The following RNF111 variants were observed in gnomAD, a reference collection of about 807,000 sequenced individuals.
RNF111 encodes ring finger protein 111, also known as E3 ubiquitin-protein ligase Arkadia.
A neutral mutation model predicts 95.1 loss-of-function variants in RNF111; 17 were observed. The observed-to-expected ratio is 0.18, with a 90% CI of 0.12 to 0.27. The LOEUF is 0.27. Ranked by LOEUF, RNF111 falls within the 10% of genes least tolerant of loss-of-function variation. The pLI, the probability that RNF111 is intolerant of heterozygous loss-of-function variation, is 1.00. For missense variants in RNF111, 1,189 were observed against 1,210.4 expected (o/e 0.98, Z 0.26); for synonymous variants, 440 against 414.8 (o/e 1.06, Z -0.74).
In RNF111 at chr15:59,090,037, T is replaced by C. The variant is rs2079005164; in HGVS notation, c.2643+278T>C. Reference sequence around the variant, plus strand: ...AATATAAATGTCAGATATATAACTATACCATTAAATGTGGTGGGGAACGGA... The same window carrying C: ...AATATAAATGTCAGATATATAACTACACCATTAAATGTGGTGGGGAACGGA... On this transcript the variant is annotated intron_variant, in intron 11 of 13. Coordinates refer to ENST00000348370, the MANE Select transcript of RNF111 (RefSeq NM_017610.8). Among the ~76,000 whole-genome samples the C allele has an allele frequency of 3.3e-5, 5 of 152,338 alleles. No individual in the cohort carries two copies. The South Asian group carries it at 1.0e-3, about 32-fold the overall frequency.
At chr15:59,025,172 A>C (rs2040540675) in intron 1 of RNF111, among the ~76,000 whole-genome samples, 1 of 152,226 alleles carries the variant, frequency 6.6e-6, no homozygotes, top group Non-Finnish European at 1.5e-5. Flanking sequence ...GGCGTGAGCC[A>C]CTGCGCCCAG....
chr15:59,044,657 C>G (rs749199985), intron 2 of RNF111, among the ~76,000 whole-genome samples: 1 of 152,062 alleles, frequency 6.6e-6, no homozygotes, highest in South Asian at 2.1e-4. Flanking sequence ...ACCCACAGTC[C>G]TACCACTGTC....
At chr15:59,017,070 T>C (rs532911419) in intron 1 of RNF111, among the ~76,000 whole-genome samples, 8 of 151,678 alleles carry the variant, frequency 5.3e-5, no homozygotes, top group Non-Finnish European at 1.0e-4. Context: ...TTGTATAATA[T>C]TATATATTGC....
At chr15:59,070,714 C>G (rs1040175986) in intron 6 of RNF111, among the ~76,000 whole-genome samples, 1 of 152,162 alleles carries the variant, frequency 6.6e-6, no homozygotes, top group South Asian at 2.1e-4. Flanking sequence ...TGAGTATCAT[C>G]ACACCCCTTT....
chr15:58,996,055 C>G (rs2039057379), intron 1 of RNF111, among the ~76,000 whole-genome samples: 1 of 152,010 alleles, frequency 6.6e-6, no homozygotes, highest in Non-Finnish European at 1.5e-5. Context: ...GACTCAGCAA[C>G]TTATTGTCAT....
chr15:59,054,793 C>G (rs1240541714), intron 3 of RNF111, among the ~76,000 whole-genome samples: 1 of 152,066 alleles, frequency 6.6e-6, no homozygotes, highest in Non-Finnish European at 1.5e-5. Context: ...CCCCAATGAC[C>G]TTTTATATTA....
At chr15:59,024,532 T>C (rs2040506162) in intron 1 of RNF111, among the ~76,000 whole-genome samples, 1 of 152,204 alleles carries the variant, frequency 6.6e-6, no homozygotes, top group Non-Finnish European at 1.5e-5. Context: ...TTTTAAAGTG[T>C]GTTTTAGTCC....
At chr15:59,050,221 T>C (rs1375023255) in intron 2 of RNF111, 2 of 152,156 alleles carry the variant, frequency 1.3e-5, no homozygotes, top group African/African-American at 4.8e-5. Context: ...AGCACCACCA[T>C]GCTCGACTAA....
At chr15:59,021,936 C>T (rs1272390431) in intron 1 of RNF111, among the ~76,000 whole-genome samples, 3 of 152,134 alleles carry the variant, frequency 2.0e-5, no homozygotes, top group Admixed American at 1.3e-4. Context: ...CCTCACCTCA[C>T]TGCAACCTTG....
At chr15:59,040,360 C>G (rs1322442327) in intron 2 of RNF111, among the ~76,000 whole-genome samples, 1 of 151,938 alleles carries the variant, frequency 6.6e-6, no homozygotes, top group African/African-American at 2.4e-5. Flanking sequence ...AATTCCTGGC[C>G]TCAACTTATC....
At chr15:59,085,920 C>G (rs1234071814) in intron 10 of RNF111, 135 bp downstream of exon 10, 1 of 791,554 alleles carries the variant, frequency 1.3e-6, no homozygotes, top group African/African-American at 1.7e-5. Flanking sequence ...TAAAATTGTG[C>G]TATAAAAAGG....
intron 2 of RNF111, among the ~76,000 whole-genome samples, chr15:59,041,411 G>T (rs893386669): frequency 4.6e-5 from 7 of 151,998 alleles, no homozygotes; most frequent in African/African-American, 1.7e-4. Flanking sequence ...AAAATTAGCC[G>T]GGTGTGGTGG....
intron 1 of RNF111, among the ~76,000 whole-genome samples, chr15:59,000,399 G>A (rs868175034): frequency 6.6e-6 from 1 of 151,748 alleles, no homozygotes; most frequent in Non-Finnish European, 1.5e-5. Context: ...CTAGGCACCC[G>A]GCCCATTTTT....
intron 8 of RNF111, among the ~76,000 whole-genome samples, chr15:59,081,982 C>G (rs1279990531): frequency 6.6e-6 from 1 of 152,158 alleles, no homozygotes; most frequent in African/African-American, 2.4e-5. Context: ...GTGGTGCAAC[C>G]ATAGTTCTTT....
At chr15:59,050,873 T>C (rs2041947558) in intron 2 of RNF111, among the ~76,000 whole-genome samples, 1 of 152,232 alleles carries the variant, frequency 6.6e-6, no homozygotes, top group African/African-American at 2.4e-5. Context: ...ATTTCCAGTA[T>C]GTATTTCTTT....
intron 6 of RNF111, among the ~76,000 whole-genome samples, chr15:59,074,118 A>G (rs141194792): frequency 5.3e-5 from 8 of 152,342 alleles, no homozygotes; most frequent in African/African-American, 1.9e-4. Flanking sequence ...TAAACCACGT[A>G]AATAGCTGTA....
In RNF111 at chr15:59,087,263, A is replaced by C. The variant is rs538807626; in HGVS notation, c.2550+1478A>C. 8.5e-5 allele frequency among the ~76,000 whole-genome samples: 13 copies of C among 152,310 alleles called. No homozygotes were observed. In the South Asian group the frequency reaches 2.7e-3, roughly 32 times the overall value. On this transcript the variant is annotated intron_variant, in intron 10 of 13. Coordinates refer to ENST00000348370, the MANE Select transcript of RNF111 (RefSeq NM_017610.8). ...GAGGGTGAAAAAACCTTAGAGAATG[A>C]CAATACTGTATTTAAATGATAATAC...
chr15:59,086,862 A>G (rs2078914554), intron 10 of RNF111, among the ~76,000 whole-genome samples: 1 of 152,220 alleles, frequency 6.6e-6, no homozygotes, highest in Admixed American at 6.5e-5. Context: ...ATGATTTTAG[A>G]GTTATTTAAT....
intron 1 of RNF111, among the ~76,000 whole-genome samples, chr15:59,019,176 T>A (rs2040214888): frequency 6.6e-6 from 1 of 150,986 alleles, no homozygotes; most frequent in South Asian, 2.1e-4. Context: ...TGGGCTCAAG[T>A]GATCCACCTG....
Sources: allele counts gnomAD v4.1 joint callset (sites outside exome capture counted in the v4.1 genomes callset), GRCh38; gene constraint gnomAD v4.1.1; transcripts MANE v1.5; gene names NCBI Gene and HGNC (gene_info 2026-07-23, HGNC 2026-07-21).